The following LARGE1 variants were observed in gnomAD, a reference collection of about 807,000 sequenced individuals.
LARGE1 encodes the protein xylosyl- and glucuronyltransferase LARGE1.
In LARGE1, 43 loss-of-function variants were observed where a neutral mutation model predicts 87.6. That is an observed-to-expected ratio of 0.49 (90% CI 0.38 to 0.63). The LOEUF is 0.63. Ranked by LOEUF, LARGE1 falls within the 30% of genes least tolerant of loss-of-function variation. The pLI is 0.00. For missense variants in LARGE1, 802 were observed against 1,000.2 expected (o/e 0.80, Z 2.67); for synonymous variants, 434 against 394.6 (o/e 1.10, Z -1.18).
chr22:33,241,225 T>A (rs1159300046), intron 11 of LARGE1, among the ~76,000 whole-genome samples: 1 of 152,052 alleles, frequency 6.6e-6, no homozygotes, highest in Non-Finnish European at 1.5e-5. Context: ...GCTCTCTCTC[T>A]CTCTCACATC....
rs540036714 is a variant in LARGE1 at position 33,828,032 on chromosome 22, C to T, written c.-82-66474G>A. On this transcript the variant is annotated intron_variant, in intron 1 of 14. Coordinates refer to ENST00000397394, the MANE Select transcript of LARGE1 (RefSeq NM_133642.5). ...ATATCAGAGAGTATTACAGAAATTGCTAAGATTTGGGCAGATGAGAAGAAA... is the reference window on the plus strand; with the variant it reads ...ATATCAGAGAGTATTACAGAAATTGTTAAGATTTGGGCAGATGAGAAGAAA... Among the ~76,000 whole-genome samples the T allele has an allele frequency of 2.6e-5, 4 of 152,208 alleles. No individual in the cohort carries two copies. The South Asian group carries it at 8.3e-4, about 32-fold the overall frequency.
In LARGE1 at chr22:33,619,052, C is replaced by T. The variant is rs184083574; in HGVS notation, c.491+7192G>A. 2.3e-3 allele frequency among the ~76,000 whole-genome samples: 344 copies of T among 152,280 alleles called. 3 individuals are homozygous for T. The highest frequency in any genetic ancestry group is 8.0e-3 in the African/African-American group (333 of 41,554). ...CTGCCTTTGAGTAGGGGGACCACCCCGCATCCTCTCCCCACTAAAAGCTGT... is the reference window on the plus strand; with the variant it reads ...CTGCCTTTGAGTAGGGGGACCACCCTGCATCCTCTCCCCACTAAAAGCTGT... On this transcript the variant is annotated intron_variant, in intron 4 of 14. Coordinates refer to ENST00000397394, the MANE Select transcript of LARGE1 (RefSeq NM_133642.5).
At position 33,304,250 on chromosome 22, in the gene LARGE1, T is replaced by A; in HGVS notation, c.1709A>T (p.Tyr570Phe). Residue 570 changes from tyrosine to phenylalanine, a missense_variant, in exon 12 of 15, where the codon TAT becomes TTT. Tyr to Phe is a conservative substitution (Grantham distance 22, BLOSUM62 3). This residue lies in a region of LARGE1 where 625 missense variants were observed against 841.9 expected (regional missense o/e 0.74). Transcript: ENST00000397394. ...FLSDIDFLPM[Y>F]GLYEYLRKSV... ...TTACCTGAGGTACTCATAGAGCCCA[T>A]ACATGGGCAGGAAGTCAATGTCAGA... The A allele has an allele frequency of 6.2e-7, 1 of 1,614,244 alleles. No individual in the cohort carries two copies. Among genetic ancestry groups the A allele is most frequent in the Non-Finnish European group, 8.5e-7 (1 of 1,180,042 alleles).
Position 33,451,793 on chromosome 22 carries a change from G to T in LARGE1, c.788-19528C>A, listed in dbSNP as rs569087879. On this transcript the variant is annotated intron_variant, in intron 6 of 14. Coordinates refer to ENST00000397394, the MANE Select transcript of LARGE1 (RefSeq NM_133642.5). ...AGGATGGTCTTGATCTCCTGACCTT[G>T]TGATCCACCCGCCTCGGCCTCCCAA... Among the ~76,000 whole-genome samples, 438 of 152,260 alleles carry T rather than the reference G, an allele frequency of 2.9e-3. 2 individuals carry two copies. Among genetic ancestry groups the T allele is most frequent in the Middle Eastern group, 0.027 (8 of 294 alleles).
chr22:33,346,231 T>TCTTCCTTCCTTCCTTC (rs373678345), intron 9 of LARGE1, among the ~76,000 whole-genome samples: 2 of 151,332 alleles, frequency 1.3e-5, no homozygotes, highest in Admixed American at 6.6e-5. Context: ...TCTCTTCCTT[T>TCTTCCTTCCTTCCTTC]CTTCCTTCCT....
At chr22:33,622,972 T>C (rs1203539322) in intron 4 of LARGE1, among the ~76,000 whole-genome samples, 1 of 152,198 alleles carries the variant, frequency 6.6e-6, no homozygotes, top group African/African-American at 2.4e-5. Context: ...ACAGGATTCT[T>C]ACAATTTCAA....
chr22:33,395,411 T>C (rs917939795), intron 7 of LARGE1, among the ~76,000 whole-genome samples: 3 of 152,100 alleles, frequency 2.0e-5, no homozygotes, highest in Non-Finnish European at 4.4e-5. Flanking sequence ...CAACTTTCCC[T>C]CCTGCATGGT....
intron 2 of LARGE1, among the ~76,000 whole-genome samples, chr22:33,672,569 T>C (rs1021595318): frequency 3.9e-5 from 6 of 152,238 alleles, no homozygotes; most frequent in Non-Finnish European, 7.3e-5. Context: ...CTGTTTGCTA[T>C]GCTCCTGACC....
intron 1 of LARGE1, among the ~76,000 whole-genome samples, chr22:33,844,448 G>C (rs2063371873): frequency 6.6e-6 from 1 of 152,152 alleles, no homozygotes; most frequent in African/African-American, 2.4e-5. Context: ...TCGGTGCTTT[G>C]AACACAGGAA....
At chr22:33,700,976 G>C (rs1001149839) in intron 2 of LARGE1, among the ~76,000 whole-genome samples, 1 of 152,198 alleles carries the variant, frequency 6.6e-6, no homozygotes, top group Non-Finnish European at 1.5e-5. Context: ...GACGTTGACA[G>C]CAGTGTTTCT....
chr22:33,408,833 G>A (rs1452309043), intron 7 of LARGE1, among the ~76,000 whole-genome samples: 1 of 151,738 alleles, frequency 6.6e-6, no homozygotes, highest in Non-Finnish European at 1.5e-5. Context: ...AATAGACTTC[G>A]AAAAGGGTTA....
At chr22:33,234,299 C>A (rs551897311) in intron 11 of LARGE1, among the ~76,000 whole-genome samples, 1 of 152,274 alleles carries the variant, frequency 6.6e-6, no homozygotes, top group South Asian at 2.1e-4. Context: ...ATTTCATTGG[C>A]CAATGTGAAT....
chr22:33,464,842 C>T lies in LARGE1; in HGVS notation c.788-32577G>A, dbSNP rs117477370. Among the ~76,000 whole-genome samples, 56 of 151,426 alleles carry T rather than the reference C, an allele frequency of 3.7e-4. No individual in the cohort carries two copies. In the East Asian group the frequency reaches 7.6e-3, roughly 20 times the overall value. On this transcript the variant is annotated intron_variant, in intron 6 of 14. Coordinates refer to ENST00000397394, the MANE Select transcript of LARGE1 (RefSeq NM_133642.5). ...GTATACACACACATGCACACACCCACGCACACATACACACACACTACACAC... is the reference window on the plus strand; with the variant it reads ...GTATACACACACATGCACACACCCATGCACACATACACACACACTACACAC...
the LARGE1 span, among the ~76,000 whole-genome samples, chr22:33,112,913 A>T: frequency 6.6e-6 from 1 of 152,184 alleles, no homozygotes; most frequent in Non-Finnish European, 1.5e-5. Context: ...AAAATCAATC[A>T]TCATGTCAGG....
At chr22:33,617,222 C>G (rs1310249242) in intron 4 of LARGE1, among the ~76,000 whole-genome samples, 1 of 152,228 alleles carries the variant, frequency 6.6e-6, no homozygotes, top group Non-Finnish European at 1.5e-5. Context: ...ATCCTATACT[C>G]AAGACTAACG....
chr22:33,549,460 T>C (rs969194389), intron 6 of LARGE1, among the ~76,000 whole-genome samples: 1 of 152,210 alleles, frequency 6.6e-6, no homozygotes, highest in Non-Finnish European at 1.5e-5. Flanking sequence ...CTGTGCCCTT[T>C]TGTGGATGTG....
At chr22:33,646,862 G>C (rs1303196480) in intron 3 of LARGE1, among the ~76,000 whole-genome samples, 2 of 152,158 alleles carry the variant, frequency 1.3e-5, no homozygotes, top group Non-Finnish European at 2.9e-5. Context: ...CAAGTAGCTG[G>C]GATTTCAGGC....
chr22:33,577,295 A>G (rs1232927290), intron 5 of LARGE1, among the ~76,000 whole-genome samples: 2 of 152,236 alleles, frequency 1.3e-5, no homozygotes, highest in African/African-American at 4.8e-5. Flanking sequence ...ATTTAAAAAG[A>G]GGTTAAGAAA....
intron 10 of LARGE1, among the ~76,000 whole-genome samples, chr22:33,336,932 A>G (rs578031794): frequency 1.4e-4 from 21 of 152,078 alleles, no homozygotes; most frequent in Admixed American, 1.4e-3. Flanking sequence ...GTGGTGGTGC[A>G]TGCCTGTAAT....
Sources: allele counts gnomAD v4.1 joint callset (sites outside exome capture counted in the v4.1 genomes callset), GRCh38; gene constraint gnomAD v4.1.1; regional missense constraint gnomAD v4.1.1; transcripts MANE v1.5; gene names NCBI Gene and HGNC (gene_info 2026-07-23, HGNC 2026-07-21).